The following PRR16 variants were observed in gnomAD, a reference collection of about 807,000 sequenced individuals.
PRR16 encodes the protein protein Largen.
In PRR16, 6 loss-of-function variants were observed where a neutral mutation model predicts 18.2. The ratio of observed to expected loss-of-function variants is 0.33; its 90% CI spans 0.18 to 0.65. The LOEUF (loss-of-function observed/expected upper bound fraction) is 0.65. Among genes scored for constraint, PRR16 ranks in the 30% least tolerant of loss-of-function variants. The probability of loss-of-function intolerance (pLI) is 0.74; values close to 1 mark genes in which losing one functional copy is unlikely to be tolerated. For synonymous variants in PRR16, 151 were observed against 147.8 expected (o/e 1.02, Z -0.16); for missense variants, 412 against 376.6 (o/e 1.09, Z -0.78).
intron 1 of PRR16, among the ~76,000 whole-genome samples, chr5:120,552,058 A>G (rs534284954): frequency 9.3e-4 from 142 of 152,062 alleles, no homozygotes; most frequent in Non-Finnish European, 1.6e-3. Context: ...ACAATCCTCT[A>G]TGACATTTGA....
At chr5:120,562,297 C>T (rs1261947694) in intron 1 of PRR16, among the ~76,000 whole-genome samples, 2 of 152,052 alleles carry the variant, frequency 1.3e-5, no homozygotes, top group Admixed American at 1.3e-4. Context: ...AGTATAACCA[C>T]TCCTGGCCTT....
chr5:120,628,510 C>G (rs1754941078), intron 1 of PRR16, among the ~76,000 whole-genome samples: 1 of 151,984 alleles, frequency 6.6e-6, no homozygotes, highest in Admixed American at 6.6e-5. Context: ...TGTATTGGAA[C>G]TTTTTCTCCC....
chr5:120,519,425 A>G (rs1031362096), intron 1 of PRR16, among the ~76,000 whole-genome samples: 2 of 152,130 alleles, frequency 1.3e-5, no homozygotes, highest in African/African-American at 4.8e-5. Context: ...TGTGTTAGGA[A>G]TCTTTATATG....
chr5:120,545,251 C>G (rs1752039729), intron 1 of PRR16, among the ~76,000 whole-genome samples: 1 of 151,974 alleles, frequency 6.6e-6, no homozygotes, highest in Non-Finnish European at 1.5e-5. Context: ...TAGTGTTTTT[C>G]TGGCAAATAA....
intron 1 of PRR16, among the ~76,000 whole-genome samples, chr5:120,593,471 T>C (rs910029974): frequency 1.3e-5 from 2 of 151,584 alleles, no homozygotes; most frequent in African/African-American, 2.4e-5. Context: ...CTTCCCTGAA[T>C]AGATCAGTAA....
At chr5:120,734,383 C>T in the PRR16 span, among the ~76,000 whole-genome samples, 2 of 152,020 alleles carry the variant, frequency 1.3e-5, no homozygotes, top group African/African-American at 2.4e-5. Flanking sequence ...TTATTCGTTA[C>T]AGTTTTTCTC....
chr5:120,789,486 T>A, the PRR16 span, among the ~76,000 whole-genome samples: 2 of 152,256 alleles, frequency 1.3e-5, no homozygotes. Flanking sequence ...TAACCCTTTT[T>A]TAATCTGGTA....
At chr5:120,586,690 T>TA (rs1480870349) in intron 1 of PRR16, among the ~76,000 whole-genome samples, 1 of 152,178 alleles carries the variant, frequency 6.6e-6, no homozygotes, top group Admixed American at 6.5e-5. Context: ...ATGTTCTGAC[T>TA]ACTACACTCA....
chr5:120,751,952 T>C, the PRR16 span, among the ~76,000 whole-genome samples: 1 of 152,122 alleles, frequency 6.6e-6, no homozygotes, highest in African/African-American at 2.4e-5. Context: ...ATTTAGATAG[T>C]TCAAAGATTT....
intron 1 of PRR16, among the ~76,000 whole-genome samples, chr5:120,630,507 G>A (rs1755016580): frequency 6.6e-6 from 1 of 152,128 alleles, no homozygotes; most frequent in African/African-American, 2.4e-5. Flanking sequence ...TGATTGCCAA[G>A]ATGTATAGGT....
the PRR16 span, among the ~76,000 whole-genome samples, chr5:120,754,177 A>ATATTAT: frequency 5.0e-5 from 1 of 19,922 alleles, no homozygotes; most frequent in Non-Finnish European, 1.0e-4. Flanking sequence ...ATATAAATAT[A>ATATTAT]AATATATAAT....
chr5:120,705,503 C>G, the PRR16 span, among the ~76,000 whole-genome samples: 4 of 151,980 alleles, frequency 2.6e-5, no homozygotes, highest in African/African-American at 9.7e-5. Context: ...AAATGATATT[C>G]TTCAACATCA....
intron 1 of PRR16, among the ~76,000 whole-genome samples, chr5:120,491,498 CCTT>C (rs1424739507): frequency 1.4e-5 from 2 of 142,540 alleles, no homozygotes; most frequent in Non-Finnish European, 1.5e-5. Flanking sequence ...TTCCTTCCTT[CCTT>C]CTTTTCTCTC....
chr5:120,693,877 C>G, the PRR16 span, among the ~76,000 whole-genome samples: 1 of 152,182 alleles, frequency 6.6e-6, no homozygotes, highest in Non-Finnish European at 1.5e-5. Context: ...TTAATTTTAT[C>G]TAATCCTTCA....
At chr5:120,473,463 G>T (rs746846048) in intron 1 of PRR16, among the ~76,000 whole-genome samples, 5 of 152,080 alleles carry the variant, frequency 3.3e-5, no homozygotes, top group Non-Finnish European at 4.4e-5. Context: ...ATTTCTCTCT[G>T]TTTTCATTTT....
chr5:120,650,549 A>G (rs909851925), intron 1 of PRR16, among the ~76,000 whole-genome samples: 7 of 143,188 alleles, frequency 4.9e-5, no homozygotes, highest in Non-Finnish European at 1.0e-4. Flanking sequence ...TCATTGTTCA[A>G]TTCCCACCTA....
intron 1 of PRR16, among the ~76,000 whole-genome samples, chr5:120,664,050 G>T (rs7703351): frequency 1.3e-5 from 2 of 152,124 alleles, no homozygotes; most frequent in Admixed American, 1.3e-4. Flanking sequence ...TGTAATCTCA[G>T]TACTTTTGGA....
In PRR16 at chr5:120,540,679, G is replaced by T. The variant is rs13170550; in HGVS notation, c.159+76034G>T. Among the ~76,000 whole-genome samples, 6 of 151,988 alleles carry T rather than the reference G, an allele frequency of 3.9e-5. No individual in the cohort carries two copies. The South Asian group carries it at 1.0e-3, about 26-fold the overall frequency. On this transcript the variant is annotated intron_variant, in intron 1 of 1. Coordinates refer to ENST00000407149, the MANE Select transcript of PRR16 (RefSeq NM_001300783.2). ...ATGCCTAGTGTTCCATTATTGGAAC[G>T]CTAAGCATCTGGGAGTTATTTATAT...
At chr5:120,727,974 G>A in the PRR16 span, among the ~76,000 whole-genome samples, 4 of 151,874 alleles carry the variant, frequency 2.6e-5, no homozygotes, top group African/African-American at 9.7e-5. Context: ...ATAAGATTAA[G>A]TTATCTATAG....
Sources: gnomAD v4.1 joint callset for allele counts (sites outside exome capture counted in the v4.1 genomes callset) on GRCh38, gnomAD v4.1.1 for gene constraint, MANE v1.5 for transcripts, NCBI Gene and HGNC (gene_info 2026-07-23, HGNC 2026-07-21) for gene names.